The following OGDH variants were observed in gnomAD, a reference collection of about 807,000 sequenced individuals.
OGDH encodes the protein oxoglutarate dehydrogenase.
Under a neutral mutation model 116.6 loss-of-function variants are expected in OGDH, and 38 were observed. That is an observed-to-expected ratio of 0.33 (90% CI 0.25 to 0.43). The LOEUF is 0.43. Ranked by LOEUF, OGDH falls within the 20% of genes least tolerant of loss-of-function variation. OGDH has a pLI of 1.00. For missense variants in OGDH, 825 were observed against 1,357.2 expected (o/e 0.61, Z 6.16); for synonymous variants, 488 against 533.3 (o/e 0.92, Z 1.17).
At chr7:44,607,508 C>T (rs1784399642) in intron 1 of OGDH, among the ~76,000 whole-genome samples, 1 of 152,158 alleles carries the variant, frequency 6.6e-6, no homozygotes, top group South Asian at 2.1e-4. Context: ...TTTCCAGGTA[C>T]ACTGCTCTGA....
At position 44,694,332 on chromosome 7, in the gene OGDH, A is replaced by G. The variant is rs1788489606; in HGVS notation, c.1516-92A>G. The G allele has an allele frequency of 4.7e-6, 7 of 1,489,538 alleles. No homozygotes were observed. The highest frequency in any genetic ancestry group is 1.4e-5 in the African/African-American group (1 of 72,268). The allele number at this position is 1,489,538 out of a possible 1,614,324, so 92.3% of individuals were successfully genotyped here. Reference sequence around the variant, plus strand: ...GGCATGAGGAATGAAGAACGTGGCCATCACCTAGGAGAGATGGGGCAGGTG... The same window carrying G: ...GGCATGAGGAATGAAGAACGTGGCCGTCACCTAGGAGAGATGGGGCAGGTG... On this transcript the variant is annotated intron_variant, in intron 11 of 22. Coordinates refer to ENST00000222673, the MANE Select transcript of OGDH (RefSeq NM_002541.4). This position sits in a 1 kb window ranked among gnomAD's most constrained non-coding sequence, Gnocchi z 4.2.
chr7:44,662,780 C>T (rs556545618), intron 4 of OGDH, among the ~76,000 whole-genome samples: 2 of 152,164 alleles, frequency 1.3e-5, no homozygotes, highest in South Asian at 4.1e-4. Context: ...TTCTTTCTAC[C>T]CTCCATGGTT....
chr7:44,613,748 G>A (rs1412782957), intron 1 of OGDH, among the ~76,000 whole-genome samples: 2 of 150,958 alleles, frequency 1.3e-5, no homozygotes, highest in Middle Eastern at 7.0e-3. Context: ...TGCCCACATC[G>A]GCCTCCCAAA....
At chr7:44,628,259 C>T (rs560285954) in intron 2 of OGDH, among the ~76,000 whole-genome samples, 2 of 152,262 alleles carry the variant, frequency 1.3e-5, no homozygotes, top group East Asian at 3.9e-4. Flanking sequence ...TAACCACACC[C>T]AATAAAATTA....
At chr7:44,656,927 A>T (rs1181645751) in intron 4 of OGDH, among the ~76,000 whole-genome samples, 1 of 152,236 alleles carries the variant, frequency 6.6e-6, no homozygotes, top group Non-Finnish European at 1.5e-5. Context: ...CTGGGGGATC[A>T]TCAGCCTGTT....
At chr7:44,641,683 A>G (rs1257096770) in intron 2 of OGDH, among the ~76,000 whole-genome samples, 1 of 152,214 alleles carries the variant, frequency 6.6e-6, no homozygotes, top group East Asian at 1.9e-4. Flanking sequence ...GTAGAGGCCA[A>G]GAAGTGCAGT....
chr7:44,683,932 G>A (rs145698372), intron 10 of OGDH, among the ~76,000 whole-genome samples: 3,065 of 152,304 alleles, frequency 0.02, 50 homozygotes, highest in Middle Eastern at 0.085. Context: ...CAGAGCACCG[G>A]TGTGCTCCCT....
intron 4 of OGDH, among the ~76,000 whole-genome samples, chr7:44,665,032 A>C (rs1787121228): frequency 6.6e-6 from 1 of 152,364 alleles, no homozygotes; most frequent in African/African-American, 2.4e-5. Context: ...CAAAATGTGC[A>C]CTGTTATTCT....
At chr7:44,703,679 CA>C (rs1250405888) in intron 20 of OGDH, among the ~76,000 whole-genome samples, 1 of 151,984 alleles carries the variant, frequency 6.6e-6, no homozygotes, top group Non-Finnish European at 1.5e-5. Flanking sequence ...AAGATTGCGC[CA>C]CTGCATTCCA....
chr7:44,700,517 A>G lies in OGDH; in HGVS notation c.2559+248A>G, dbSNP rs531237061. Among the ~76,000 whole-genome samples the G allele has an allele frequency of 1.1e-4, 17 of 152,298 alleles. No homozygotes were observed. The South Asian group carries it at 3.1e-3, about 28-fold the overall frequency. On this transcript the variant is annotated intron_variant, in intron 19 of 22. Coordinates refer to ENST00000222673, the MANE Select transcript of OGDH (RefSeq NM_002541.4). ...ACTGCTGAGCACCACATGCGGAGCAATCACATAGGCTGCAGGCCCCAGCCC... is the reference window on the plus strand; with the variant it reads ...ACTGCTGAGCACCACATGCGGAGCAGTCACATAGGCTGCAGGCCCCAGCCC...
At chr7:44,623,731 C>T (rs1785091949) in intron 1 of OGDH, among the ~76,000 whole-genome samples, 1 of 152,106 alleles carries the variant, frequency 6.6e-6, no homozygotes, top group Non-Finnish European at 1.5e-5. Context: ...CTGCAGCCTC[C>T]ACCTACCAGG....
chr7:44,649,164 T>G (rs187565814), intron 4 of OGDH, among the ~76,000 whole-genome samples: 121 of 151,782 alleles, frequency 8.0e-4, no homozygotes, highest in African/African-American at 2.9e-3. Context: ...GGGACTTGCA[T>G]CTGGAAGCCA....
rs1240861058 is a variant in OGDH, at chr7:44,624,449, C to A, written c.106C>A (p.Gln36Lys). Residue 36 changes from glutamine (Q) to lysine (K), a missense_variant, in exon 2 of 23, where the codon CAG becomes AAG. Gln to Lys is a moderately conservative substitution (Grantham distance 53). Coordinates refer to ENST00000222673, the MANE Select transcript of OGDH (RefSeq NM_002541.4). ...NRPAAARTFQQIRCYSAPVAA... is the reference protein window; with the variant it reads ...NRPAAARTFQKIRCYSAPVAA... ...ACCAGCAGCAGCTAGGACATTTCAA[C>A]AGATTCGGTGCTATTCTGCACCTGT... 6.2e-7 allele frequency: 1 copy of A among 1,613,748 alleles called. No homozygotes were observed. Among genetic ancestry groups the A allele is most frequent in the Admixed American group, 1.7e-5 (1 of 59,944 alleles).
chr7:44,626,608 A>G (rs552590061), intron 2 of OGDH, among the ~76,000 whole-genome samples: 1 of 152,330 alleles, frequency 6.6e-6, no homozygotes, highest in South Asian at 2.1e-4. Context: ...TTTGGTCCTC[A>G]GTGATTCATG....
chr7:44,676,401 C>CAAAAAA, intron 9 of OGDH: 1 of 741,718 alleles, frequency 1.3e-6, no homozygotes, highest in Non-Finnish European at 2.0e-6. Context: ...ACTAAAAATA[C>CAAAAAA]AAAATTAGCT....
intron 3 of OGDH, 107 bp downstream of exon 3, chr7:44,645,625 A>G: frequency 9.7e-7 from 1 of 1,033,810 alleles, no homozygotes; most frequent in Non-Finnish European, 1.4e-6. Context: ...CTTTACTTAT[A>G]CCTCCTCAAA....
At chr7:44,678,008 C>T (rs1787772852) in intron 9 of OGDH, among the ~76,000 whole-genome samples, 1 of 152,016 alleles carries the variant, frequency 6.6e-6, no homozygotes, top group Non-Finnish European at 1.5e-5. Flanking sequence ...GGTAATGGAG[C>T]CTGGGCTGGG....
At chr7:44,655,688 T>G (rs1786658949) in intron 4 of OGDH, among the ~76,000 whole-genome samples, 1 of 152,184 alleles carries the variant, frequency 6.6e-6, no homozygotes, top group Admixed American at 6.5e-5. Context: ...AGAAAGCTGT[T>G]ATGTATAGTA....
At chr7:44,608,407 C>CA (rs71011978) in intron 1 of OGDH, among the ~76,000 whole-genome samples, 81,704 of 150,054 alleles carry the variant, frequency 0.54, 25,730 homozygotes, top group Non-Finnish European at 0.73. Context: ...GATCCTGTCT[C>CA]AAAAAAAAAG....
Sources: allele counts gnomAD v4.1 joint callset (sites outside exome capture counted in the v4.1 genomes callset), GRCh38; gene constraint gnomAD v4.1.1; non-coding constraint Gnocchi (gnomAD v3.1); transcripts MANE v1.5; gene names NCBI Gene and HGNC (gene_info 2026-07-23, HGNC 2026-07-21).